RNF144A: variants seen among roughly 807,000 people sequenced by gnomAD.
The protein encoded by RNF144A is ring finger protein 144A, also known as E3 ubiquitin-protein ligase RNF144A.
In RNF144A, 11 loss-of-function variants were observed where a neutral mutation model predicts 38.7. That is an observed-to-expected ratio of 0.28 (90% CI 0.18 to 0.47). The LOEUF (loss-of-function observed/expected upper bound fraction) is 0.47, where lower values mean the gene tolerates loss of function less well. Among genes scored for constraint, RNF144A ranks in the 20% least tolerant of loss-of-function variants. The pLI, the probability that RNF144A is intolerant of heterozygous loss-of-function variation, is 0.99. For missense variants in RNF144A, 316 were observed against 377.2 expected (o/e 0.84, Z 1.34); for synonymous variants, 149 against 143.9 (o/e 1.04, Z -0.25).
chr2:6,937,569 G>C (rs1289909622), intron 1 of RNF144A, among the ~76,000 whole-genome samples: 3 of 152,242 alleles, frequency 2.0e-5, no homozygotes, highest in Non-Finnish European at 4.4e-5. Context: ...AGAAGCTGTA[G>C]TAAAAGACAC....
intron 2 of RNF144A, among the ~76,000 whole-genome samples, chr2:6,993,133 G>C (rs931708581): frequency 2.0e-5 from 3 of 152,162 alleles, no homozygotes; most frequent in Non-Finnish European, 4.4e-5. Context: ...AGACAATATA[G>C]ACCCCTTTTT....
At chr2:6,993,951 T>C (rs982091616) in intron 2 of RNF144A, among the ~76,000 whole-genome samples, 22 of 152,080 alleles carry the variant, frequency 1.4e-4, no homozygotes, top group African/African-American at 5.3e-4. Flanking sequence ...CAAGTCTACA[T>C]GAGTGGTGAT....
At chr2:6,975,779 T>C (rs1268615930) in intron 2 of RNF144A, among the ~76,000 whole-genome samples, 1 of 152,174 alleles carries the variant, frequency 6.6e-6, no homozygotes, top group Admixed American at 6.5e-5. Context: ...TGAGCCAAGA[T>C]TGCACCACAG....
Position 7,025,896 on chromosome 2 carries a change from G to A in RNF144A, c.657+1380G>A, listed in dbSNP as rs370351186. On this transcript the variant is annotated intron_variant, in intron 7 of 8. Coordinates refer to ENST00000320892, the MANE Select transcript of RNF144A (RefSeq NM_014746.6). ...AATAAAGCGGGGGGTGGGGCAGGGCGGACAGTCAGAGCAAGTCCATGCTTC... is the reference window on the plus strand; with the variant it reads ...AATAAAGCGGGGGGTGGGGCAGGGCAGACAGTCAGAGCAAGTCCATGCTTC... Among the ~76,000 whole-genome samples the A allele has an allele frequency of 5.2e-4, 79 of 152,228 alleles. No individual in the cohort carries two copies. In the Middle Eastern group the frequency reaches 0.01, roughly 20 times the overall value.
chr2:6,951,595 A>G (rs1304557395), intron 2 of RNF144A, among the ~76,000 whole-genome samples: 1 of 152,232 alleles, frequency 6.6e-6, no homozygotes, highest in Non-Finnish European at 1.5e-5. Context: ...CTCATCCATG[A>G]ACATCGTATC....
rs146011349 is a variant in RNF144A, at chr2:6,963,469, A to C, written c.-12+22322A>C. Among the ~76,000 whole-genome samples the C allele has an allele frequency of 3.2e-3, 493 of 152,240 alleles. 2 individuals are homozygous for C. The highest frequency in any genetic ancestry group is 0.01 in the African/African-American group (428 of 41,498). ...AAATTCCTCGTGACTTGGTTTTCTA[A>C]GTTAAACCACCTTTTCTTGCCTCCT... On this transcript the variant is annotated intron_variant, in intron 2 of 8. Coordinates refer to ENST00000320892, the MANE Select transcript of RNF144A (RefSeq NM_014746.6).
At chr2:6,991,909 C>T (rs1020137704) in intron 2 of RNF144A, among the ~76,000 whole-genome samples, 4 of 152,028 alleles carry the variant, frequency 2.6e-5, no homozygotes, top group African/African-American at 9.7e-5. Context: ...TAGTTCCTAC[C>T]CTTGAATAAT....
rs35808012 is a variant in RNF144A at position 6,961,392 on chromosome 2, A to ATT, written c.-12+20254_-12+20255dup. ...CCAGATTGAATTCCTATAAAGGTAC[A>ATT]TTTTTTTTTTCCCTCTTAGAATGTG... On this transcript the variant is annotated intron_variant, in intron 2 of 8. Coordinates refer to ENST00000320892, the MANE Select transcript of RNF144A (RefSeq NM_014746.6). Among the ~76,000 whole-genome samples, 16 of 149,646 alleles carry ATT rather than the reference A, an allele frequency of 1.1e-4. No homozygotes were observed. In the East Asian group the frequency reaches 1.4e-3, roughly 13 times the overall value.
intron 2 of RNF144A, among the ~76,000 whole-genome samples, chr2:6,945,716 CTTT>C (rs200258772): frequency 6.9e-6 from 1 of 144,170 alleles, no homozygotes. Context: ...TTTTTGTTGA[CTTT>C]TTTTTTTTTT....
chr2:6,926,289 ACT>A (rs761953115), intron 1 of RNF144A, among the ~76,000 whole-genome samples: 4 of 151,692 alleles, frequency 2.6e-5, no homozygotes, highest in South Asian at 2.1e-4. Flanking sequence ...TTGGTGGCTG[ACT>A]CTGTTCAGGG....
chr2:7,027,175 T>G (rs1202234240), intron 7 of RNF144A, among the ~76,000 whole-genome samples: 4 of 152,164 alleles, frequency 2.6e-5, no homozygotes, highest in African/African-American at 9.7e-5. Flanking sequence ...GACCGCCTCC[T>G]CCCCATCGTG....
chr2:7,040,060 G>C lies in RNF144A; in HGVS notation c.*300G>C. ...GCAGCTTTCTCTCTGTGGTAGACTA[G>C]GCATGTCTGGGGATGGCCTAAGAGA... On this transcript the variant is annotated 3_prime_UTR_variant, in exon 9 of 9. Coordinates refer to ENST00000320892, the MANE Select transcript of RNF144A (RefSeq NM_014746.6). The C allele has an allele frequency of 9.0e-7, 1 of 1,107,038 alleles. No homozygotes were observed. The highest frequency in any genetic ancestry group is 4.8e-5 in the Admixed American group (1 of 20,812). 68.6% of individuals were successfully genotyped at this position (1,107,038 alleles called of 1,614,324 possible).
chr2:7,037,792 C>T (rs951590704), intron 8 of RNF144A, among the ~76,000 whole-genome samples: 4 of 152,190 alleles, frequency 2.6e-5, no homozygotes, highest in African/African-American at 7.2e-5. Context: ...GATAATGGCC[C>T]GTAAAGATCT....
intron 3 of RNF144A, among the ~76,000 whole-genome samples, chr2:7,007,732 G>T (rs754990717): frequency 7.2e-5 from 11 of 152,170 alleles, no homozygotes; most frequent in Non-Finnish European, 1.0e-4. Flanking sequence ...CACTGCCTCT[G>T]TTCCGTTCCC....
At chr2:6,963,943 C>A (rs531287958) in intron 2 of RNF144A, among the ~76,000 whole-genome samples, 5 of 152,108 alleles carry the variant, frequency 3.3e-5, no homozygotes, top group Non-Finnish European at 5.9e-5. Context: ...CTTGCATTTT[C>A]CTCACTCCCC....
At chr2:6,923,640 G>T (rs1664682852) in intron 1 of RNF144A, among the ~76,000 whole-genome samples, 1 of 152,176 alleles carries the variant, frequency 6.6e-6, no homozygotes, top group African/African-American at 2.4e-5. Context: ...TCTGACACTG[G>T]CATTGCACAG....
intron 2 of RNF144A, among the ~76,000 whole-genome samples, chr2:6,969,782 C>G (rs1343238468): frequency 3.3e-5 from 5 of 152,148 alleles, no homozygotes. Flanking sequence ...TTGTTTGTTT[C>G]AGACAGTCTC....
chr2:7,003,414 A>G (rs183337237), intron 3 of RNF144A, among the ~76,000 whole-genome samples: 1 of 152,304 alleles, frequency 6.6e-6, no homozygotes, highest in Admixed American at 6.5e-5. Flanking sequence ...TACATCTTTT[A>G]TAGCATATTT....
At chr2:6,932,623 T>G (rs1665274138) in intron 1 of RNF144A, among the ~76,000 whole-genome samples, 1 of 152,212 alleles carries the variant, frequency 6.6e-6, no homozygotes, top group Admixed American at 6.5e-5. Flanking sequence ...AGCTTCTCAT[T>G]TTGTGCCTAA....
Sources: gnomAD v4.1 joint callset for allele counts (sites outside exome capture counted in the v4.1 genomes callset) on GRCh38, gnomAD v4.1.1 for gene constraint, MANE v1.5 for transcripts, NCBI Gene and HGNC (gene_info 2026-07-23, HGNC 2026-07-21) for gene names.